The following LINGO2 variants were observed in gnomAD, a reference collection of about 807,000 sequenced individuals.
The protein encoded by LINGO2 is leucine-rich repeat and immunoglobulin-like domain-containing nogo receptor-interacting protein 2.
A neutral mutation model predicts 30.6 loss-of-function variants in LINGO2; 14 were observed. The observed-to-expected ratio is 0.46, with a 90% CI of 0.30 to 0.72. The LOEUF (loss-of-function observed/expected upper bound fraction) is 0.72, where lower values mean the gene tolerates loss of function less well. Ranked by LOEUF, LINGO2 falls within the 30% of genes least tolerant of loss-of-function variation. LINGO2 has a pLI of 0.07. For missense variants in LINGO2, 729 were observed against 751.7 expected, an observed-to-expected ratio of 0.97 and a Z score of 0.35; for synonymous variants, 317 against 288.5, an observed-to-expected ratio of 1.10 and a Z score of -1.00.
At position 28,659,913 on chromosome 9, in the gene LINGO2, C is replaced by T. The variant is rs187934678; in HGVS notation, c.-365+10287G>A. Among the ~76,000 whole-genome samples the T allele has an allele frequency of 5.0e-3, 766 of 152,214 alleles. 11 individuals are homozygous for T. Among genetic ancestry groups the T allele is most frequent in the African/African-American group, 0.018 (742 of 41,554 alleles). On this transcript the variant is annotated intron_variant, in intron 1 of 5. Transcript: ENST00000379992. Reference sequence around the variant, plus strand: ...CCTTCATAGACAAACAAAAATTGAGCTTTTGCTACCAACAGATAATTACAA... The same window carrying T: ...CCTTCATAGACAAACAAAAATTGAGTTTTTGCTACCAACAGATAATTACAA...
chr9:29,212,602 A>T, the LINGO2 span, among the ~76,000 whole-genome samples: 510 of 127,462 alleles, frequency 4.0e-3, 2 homozygotes, highest in Middle Eastern at 0.025. Context: ...ATAAAAATTT[A>T]AAAAAAAAAC....
intron 4 of LINGO2, among the ~76,000 whole-genome samples, chr9:28,185,675 T>C (rs1321329966): frequency 1.3e-5 from 2 of 152,196 alleles, no homozygotes; most frequent in Non-Finnish European, 2.9e-5. Context: ...GCTACACTTC[T>C]TTCTCCTCAT....
chr9:28,497,596 G>A (rs915901033), intron 1 of LINGO2, among the ~76,000 whole-genome samples: 2 of 152,074 alleles, frequency 1.3e-5, no homozygotes, highest in African/African-American at 4.8e-5. Flanking sequence ...TCTTTGTGAT[G>A]GGTTCGAACT....
chr9:28,205,832 G>A (rs1820389827), intron 4 of LINGO2, among the ~76,000 whole-genome samples: 1 of 152,104 alleles, frequency 6.6e-6, no homozygotes, highest in African/African-American at 2.4e-5. Flanking sequence ...GCAAACAAGT[G>A]CAGTCTAAAG....
chr9:29,065,758 A>G, the LINGO2 span, among the ~76,000 whole-genome samples: 1 of 152,006 alleles, frequency 6.6e-6, no homozygotes, highest in Non-Finnish European at 1.5e-5. Flanking sequence ...CTAAATTTCC[A>G]GACAAAATTG....
the LINGO2 span, among the ~76,000 whole-genome samples, chr9:29,000,118 G>T: frequency 6.6e-6 from 1 of 151,862 alleles, no homozygotes; most frequent in Non-Finnish European, 1.5e-5. Context: ...TTTTTCCACA[G>T]TTGTTGATTC....
chr9:28,308,284 A>G (rs1824454454), intron 3 of LINGO2, among the ~76,000 whole-genome samples: 1 of 130,844 alleles, frequency 7.6e-6, no homozygotes, highest in Admixed American at 7.7e-5. Flanking sequence ...CCGCATATCC[A>G]CAACTATCTG....
At chr9:27,984,582 T>G (rs1563882162) in intron 5 of LINGO2, among the ~76,000 whole-genome samples, 2 of 151,826 alleles carry the variant, frequency 1.3e-5, no homozygotes, top group Non-Finnish European at 2.9e-5. Context: ...ATTGCTCTTT[T>G]ATGGGCTAAG....
chr9:28,508,401 T>A (rs937634524), intron 1 of LINGO2, among the ~76,000 whole-genome samples: 4 of 152,108 alleles, frequency 2.6e-5, no homozygotes, highest in Non-Finnish European at 1.5e-5. Context: ...CCTTTAGGCA[T>A]GCACTAAATA....
chr9:28,053,967 T>C (rs1450969576), intron 4 of LINGO2, among the ~76,000 whole-genome samples: 2 of 152,010 alleles, frequency 1.3e-5, no homozygotes, highest in Admixed American at 6.6e-5. Context: ...CCAAGTATTA[T>C]ATAGTCTGTG....
chr9:28,943,722 GAA>G, the LINGO2 span, among the ~76,000 whole-genome samples: 1 of 152,100 alleles, frequency 6.6e-6, no homozygotes, highest in Non-Finnish European at 1.5e-5. Flanking sequence ...GTAATGGATG[GAA>G]AAAAAGGATA....
At chr9:28,425,267 ATATAT>A (rs1292658297) in intron 2 of LINGO2, among the ~76,000 whole-genome samples, 1 of 147,914 alleles carries the variant, frequency 6.8e-6, no homozygotes, top group African/African-American at 2.5e-5. Flanking sequence ...ATTATATATT[ATATAT>A]TATATATGTG....
chr9:28,449,032 C>CGTGTGCGT (rs1554722259), intron 2 of LINGO2, among the ~76,000 whole-genome samples: 1 of 137,910 alleles, frequency 7.3e-6, no homozygotes, highest in Non-Finnish European at 1.6e-5. Context: ...TATTCACATT[C>CGTGTGCGT]GTGTGTGTGT....
intron 1 of LINGO2, among the ~76,000 whole-genome samples, chr9:28,593,320 C>A (rs1825012330): frequency 6.6e-6 from 1 of 152,078 alleles, no homozygotes; most frequent in Non-Finnish European, 1.5e-5. Flanking sequence ...ATCCTCACAG[C>A]AGCCTGAAAG....
chr9:28,952,455 T>G, the LINGO2 span, among the ~76,000 whole-genome samples: 19 of 152,160 alleles, frequency 1.2e-4, no homozygotes, highest in Non-Finnish European at 2.6e-4. Context: ...TGCAATGAAA[T>G]TTTTCCATTC....
At chr9:29,001,837 T>C in the LINGO2 span, among the ~76,000 whole-genome samples, 1 of 151,980 alleles carries the variant, frequency 6.6e-6, no homozygotes, top group East Asian at 1.9e-4. Flanking sequence ...AAGATTTCCT[T>C]GGCAACCTCA....
At chr9:28,365,363 GCCTGGGTATTGGGTAA>G (rs1351620868) in intron 3 of LINGO2, among the ~76,000 whole-genome samples, 3 of 152,148 alleles carry the variant, frequency 2.0e-5, no homozygotes, top group African/African-American at 7.2e-5. Context: ...GGAATTAATT[GCCTGGGTATTGGGTAA>G]CCAATAGAAA....
At chr9:29,168,771 T>A in the LINGO2 span, among the ~76,000 whole-genome samples, 1 of 152,286 alleles carries the variant, frequency 6.6e-6, no homozygotes, top group East Asian at 1.9e-4. Flanking sequence ...ACTTCCTTAC[T>A]GATGAATGTG....
At chr9:28,188,658 T>C (rs923946080) in intron 4 of LINGO2, among the ~76,000 whole-genome samples, 4 of 152,162 alleles carry the variant, frequency 2.6e-5, no homozygotes, top group Non-Finnish European at 4.4e-5. Context: ...TTCCTAGACA[T>C]TCTTATGTTT....
Sources: allele counts gnomAD v4.1 joint callset (sites outside exome capture counted in the v4.1 genomes callset), GRCh38; gene constraint gnomAD v4.1.1; transcripts MANE v1.5; gene names NCBI Gene and HGNC (gene_info 2026-07-23, HGNC 2026-07-21).